Variants in PAPOLA observed in about 807,000 individuals in gnomAD.
PAPOLA encodes the protein poly(A) polymerase alpha, also known as polynucleotide adenylyltransferase alpha.
In PAPOLA, 15 loss-of-function variants were observed where a neutral mutation model predicts 100.6. That is an observed-to-expected ratio of 0.15 (90% CI 0.10 to 0.23). The LOEUF (loss-of-function observed/expected upper bound fraction) is 0.23. Ranked by LOEUF, PAPOLA falls within the 10% of genes least tolerant of loss-of-function variation. The probability of loss-of-function intolerance (pLI) is 1.00; values close to 1 mark genes in which losing one functional copy is unlikely to be tolerated. For synonymous variants in PAPOLA, 293 were observed against 300.0 expected, an observed-to-expected ratio of 0.98 and a Z score of 0.24; for missense variants, 533 against 884.2, an observed-to-expected ratio of 0.60 and a Z score of 5.04.
chr14:96,551,767 G>T (rs190866706), intron 16 of PAPOLA, among the ~76,000 whole-genome samples: 6 of 152,236 alleles, frequency 3.9e-5, no homozygotes, highest in Admixed American at 3.9e-4. Context: ...ATAGTTTTTG[G>T]TTTTTCTGCA....
At chr14:96,514,284 C>T (rs1334799766) in intron 1 of PAPOLA, among the ~76,000 whole-genome samples, 2 of 151,976 alleles carry the variant, frequency 1.3e-5, no homozygotes, top group South Asian at 2.1e-4. Context: ...CGCCATTCTC[C>T]TGCCTCAGCC....
chr14:96,522,910 AAG>A, intron 3 of PAPOLA, among the ~76,000 whole-genome samples: 1 of 152,302 alleles, frequency 6.6e-6, no homozygotes, highest in Admixed American at 6.5e-5. Context: ...AAAGGTTGAA[AAG>A]AGAACCAAGG....
intron 10 of PAPOLA, chr14:96,535,115 C>T (rs903302317): frequency 4.5e-5 from 44 of 976,204 alleles, no homozygotes; most frequent in Admixed American, 1.2e-4. Context: ...CAACATTTAC[C>T]GCTTACTCAT....
intron 21 of PAPOLA, among the ~76,000 whole-genome samples, chr14:96,563,609 TATG>T (rs1448472029): frequency 1.3e-5 from 2 of 152,184 alleles, no homozygotes; most frequent in Admixed American, 6.5e-5. Context: ...GCTGTACTGA[TATG>T]ATACTATGTA....
At position 96,552,561 on chromosome 14, in the gene PAPOLA, G is replaced by T. The variant is rs1184410098; in HGVS notation, c.1603G>T (p.Val535Leu). 1 of 1,613,996 alleles carries T rather than the reference G, an allele frequency of 6.2e-7. No individual in the cohort carries two copies. Among genetic ancestry groups the T allele is most frequent in the East Asian group, 2.2e-5 (1 of 44,878 alleles). ...LSMDSDNSMSVPSPTSATKTS... is the reference protein window; with the variant it reads ...LSMDSDNSMSLPSPTSATKTS... ...TATGGACAGTGATAACAGCATGTCTGTGCCTTCACCTACTAGTGCTACGAA... is the reference window on the plus strand; with the variant it reads ...TATGGACAGTGATAACAGCATGTCTTTGCCTTCACCTACTAGTGCTACGAA... The change falls in exon 17 of 22, where the codon GTG becomes TTG. Residue 535 changes from valine (V) to leucine (L), a missense_variant. Transcript: ENST00000216277.
At chr14:96,560,320 T>A in intron 19 of PAPOLA, 1 of 192,344 alleles carries the variant, frequency 5.2e-6, no homozygotes, top group Non-Finnish European at 1.0e-5. Flanking sequence ...GCCAAGTTCC[T>A]AAAGTTGTAT....
rs1410040455 is a variant in PAPOLA, at chr14:96,562,822, C to A, written c.2071C>A (p.Gln691Lys). 2.5e-6 allele frequency: 4 copies of A among 1,602,450 alleles called. No individual in the cohort carries two copies. The Admixed American group carries it at 6.7e-5, about 27-fold the overall frequency. ...CCCCATCCTCTTTGTCTCACAGGAACAACTTGATACAGAGACAAGTACAAC... is the reference window on the plus strand; with the variant it reads ...CCCCATCCTCTTTGTCTCACAGGAAAAACTTGATACAGAGACAAGTACAAC... ...SGHDKTEAKE[Q>K]LDTETSTTQS... The change falls in exon 21 of 22, where the codon CAA becomes AAA. Residue 691 changes from glutamine (Q) to lysine (K), a missense_variant. Around this residue, in one of 9 missense-constraint regions of PAPOLA, gnomAD observed 242 missense variants for 281.0 expected, o/e 0.86. Coordinates refer to ENST00000216277, the MANE Select transcript of PAPOLA (RefSeq NM_032632.5).
intron 11 of PAPOLA, 39 bp downstream of exon 11, chr14:96,536,038 G>A (rs768005360): frequency 1.3e-6 from 2 of 1,489,386 alleles, no homozygotes; most frequent in Non-Finnish European, 1.8e-6. Context: ...ATACAGGAAG[G>A]ATTTACGTAC....
At chr14:96,514,927 T>C (rs1257152305) in intron 1 of PAPOLA, among the ~76,000 whole-genome samples, 3 of 152,196 alleles carry the variant, frequency 2.0e-5, no homozygotes, top group Admixed American at 6.5e-5. Flanking sequence ...TTTCTCCCTT[T>C]TTTATCAGAT....
chr14:96,564,891 A>G (rs1443455373), intron 21 of PAPOLA, 64 bp from the exon 22 acceptor site: 1 of 860,980 alleles, frequency 1.2e-6, no homozygotes, highest in African/African-American at 1.7e-5. Context: ...AGCAATGGAA[A>G]ATACATCTCA....
chr14:96,528,799 G>A (rs903188917), intron 6 of PAPOLA, among the ~76,000 whole-genome samples: 32 of 151,888 alleles, frequency 2.1e-4, no homozygotes, highest in African/African-American at 7.0e-4. Flanking sequence ...TGCATAAGAC[G>A]CTCAACTCTG....
chr14:96,546,359 A>G (rs893835473), intron 15 of PAPOLA, among the ~76,000 whole-genome samples: 2 of 152,052 alleles, frequency 1.3e-5, no homozygotes, highest in African/African-American at 4.8e-5. Context: ...TGCCCCCTTC[A>G]GCTGTTCTTA....
intron 11 of PAPOLA, chr14:96,536,761 T>C: frequency 2.5e-6 from 1 of 404,762 alleles, no homozygotes; most frequent in Non-Finnish European, 4.4e-6. Context: ...ATAATTGTAC[T>C]TTACCAGAAA....
chr14:96,511,478 C>T (rs932144501), intron 1 of PAPOLA, among the ~76,000 whole-genome samples: 2 of 152,194 alleles, frequency 1.3e-5, no homozygotes, highest in Non-Finnish European at 1.5e-5. Context: ...GATGTTCTGT[C>T]CTTTTGTGTG....
At chr14:96,514,334 C>T (rs576822763) in intron 1 of PAPOLA, among the ~76,000 whole-genome samples, 22 of 152,056 alleles carry the variant, frequency 1.4e-4, no homozygotes, top group Admixed American at 9.2e-4. Flanking sequence ...CCACCACGCC[C>T]GGCTAATTTT....
chr14:96,536,823 A>ATATG (rs1899576063), intron 11 of PAPOLA, 153 bp from the exon 12 acceptor site: 1 of 565,806 alleles, frequency 1.8e-6, no homozygotes, highest in African/African-American at 1.9e-5. Context: ...GTGTATATAT[A>ATATG]TAAGAGTATG....
chr14:96,564,502 T>C (rs1275046730), intron 21 of PAPOLA, among the ~76,000 whole-genome samples: 1 of 152,110 alleles, frequency 6.6e-6, no homozygotes, highest in Admixed American at 6.6e-5. Context: ...ATATATTTGT[T>C]TAATTTACAG....
chr14:96,509,579 T>A (rs1896967000), intron 1 of PAPOLA, among the ~76,000 whole-genome samples: 1 of 152,222 alleles, frequency 6.6e-6, no homozygotes, highest in African/African-American at 2.4e-5. Context: ...GATTTTATTG[T>A]GGGAACAGTG....
Position 96,560,631 on chromosome 14 carries a change from T to C in PAPOLA, c.2005-18T>C. ...AATTTTTCATTTTAGAGAATAAAGC[T>C]TTTTTTTTTAAAAACAGGATGAAAC... On this transcript the variant is annotated intron_variant, in intron 19 of 21. Transcript: ENST00000216277. The C allele has an allele frequency of 8.0e-7, 1 of 1,248,826 alleles. No individual in the cohort carries two copies. The highest frequency in any genetic ancestry group is 1.1e-6 in the Non-Finnish European group (1 of 895,790). The allele number at this position is 1,248,826 out of a possible 1,614,324, so 77.4% of individuals were successfully genotyped here.
Sources: gnomAD v4.1 joint callset for allele counts (sites outside exome capture counted in the v4.1 genomes callset) on GRCh38, gnomAD v4.1.1 for gene constraint, gnomAD v4.1.1 regional missense constraint, MANE v1.5 for transcripts, NCBI Gene and HGNC (gene_info 2026-07-23, HGNC 2026-07-21) for gene names.